The following MRPS18B variants were observed in gnomAD, a reference collection of about 807,000 sequenced individuals.
MRPS18B encodes mitochondrial ribosomal protein S18B.
A neutral mutation model predicts 28.4 loss-of-function variants in MRPS18B; 27 were observed. That is an observed-to-expected ratio of 0.95 (90% CI 0.70 to 1.31). The LOEUF (loss-of-function observed/expected upper bound fraction) is 1.31. Ranked by LOEUF, MRPS18B falls within the 40% of genes most tolerant of loss-of-function variation. The pLI is 0.00. For synonymous variants in MRPS18B, 118 were observed against 123.7 expected, an observed-to-expected ratio of 0.95 and a Z score of 0.30; for missense variants, 343 against 335.9, an observed-to-expected ratio of 1.02 and a Z score of -0.17.
chr6:30,621,770 G>A (rs3132607), intron 4 of MRPS18B, among the ~76,000 whole-genome samples: 4,432 of 152,030 alleles, frequency 0.029, 103 homozygotes, highest in South Asian at 0.055. Context: ...AAGGTGAAAC[G>A]CCGTCTCTAC....
intron 4 of MRPS18B, among the ~76,000 whole-genome samples, chr6:30,620,582 T>C (rs1761095182): frequency 6.6e-6 from 1 of 152,004 alleles, no homozygotes; most frequent in Non-Finnish European, 1.5e-5. Context: ...GCTGTTTTTT[T>C]TTTTTGAGAC....
At position 30,619,531 on chromosome 6, in the gene MRPS18B, G is replaced by A; in HGVS notation, c.117G>A (p.Glu39=). 1 of 1,613,004 alleles carries A rather than the reference G, an allele frequency of 6.2e-7. No individual in the cohort carries two copies. The highest frequency in any genetic ancestry group is 8.5e-7 in the Non-Finnish European group (1 of 1,180,012). Residue 39 remains glutamate (E), a synonymous_variant, in exon 2 of 7, where the codon GAG becomes GAA. Coordinates refer to ENST00000259873, the MANE Select transcript of MRPS18B (RefSeq NM_014046.4). ...CTCTTTGCACCAAAGCTCCCTCTGA[G>A]GAAGATTCTTTGTCCTCAGTTCCCA... ...LQTLCTKAPS[E]EDSLSSVPIS...
rs191368784 is a variant in MRPS18B, at chr6:30,624,758, G to T, written c.422-125G>T. 25 of 984,082 alleles carry T rather than the reference G, an allele frequency of 2.5e-5. No individual in the cohort carries two copies. In the Admixed American group the frequency reaches 5.0e-4, roughly 20 times the overall value. The allele number at this position is 984,082 out of a possible 1,614,324, so 61.0% of individuals were successfully genotyped here. On this transcript the variant is annotated intron_variant, in intron 5 of 6. Coordinates refer to ENST00000259873, the MANE Select transcript of MRPS18B (RefSeq NM_014046.4). ...TGGGGAAACTGAGGTCCATGGAGGG[G>T]TCAGGGGAAAGGGGTCATTAGGTAA...
intron 5 of MRPS18B, 69 bp downstream of exon 5, chr6:30,622,967 A>G (rs1761261739): frequency 2.6e-6 from 4 of 1,511,716 alleles, no homozygotes; most frequent in Non-Finnish European, 2.8e-6. Flanking sequence ...GTAGTTGGCC[A>G]ATAGGTATTT....
At position 30,625,795 on chromosome 6, in the gene MRPS18B, T is replaced by C. The variant is rs751019291; in HGVS notation, c.775T>C (p.Ter259GlnextTer3). ...TGQTGPQSAL[*>Q] is the part of the protein sequence containing the mutation. ...GCAGACAGGCCCTCAGAGTGCTCTG[T>C]AGGAGCTGTAGACTGGGAAGAGAGG... The change falls in exon 7 of 7, where the codon TAG (stop) becomes CAG (glutamine). Residue 259 changes from the stop codon to glutamine, a stop_lost. Transcript: ENST00000259873. The C allele has an allele frequency of 1.2e-6, 2 of 1,603,146 alleles. No homozygotes were observed. The highest frequency in any genetic ancestry group is 1.1e-5 in the South Asian group (1 of 90,918).
In MRPS18B at chr6:30,622,794, C is replaced by G. The variant is rs369613091; in HGVS notation, c.355-38C>G. ...CCAAAGATCCTGCTGCTCTCCCTGC[C>G]TCTTTTCCTCACGTTTCTCTACCAC... On this transcript the variant is annotated intron_variant, in intron 4 of 6. Coordinates refer to ENST00000259873, the MANE Select transcript of MRPS18B (RefSeq NM_014046.4). The G allele has an allele frequency of 5.6e-6, 9 of 1,599,338 alleles. No individual in the cohort carries two copies. In the East Asian group the frequency reaches 1.3e-4, roughly 24 times the overall value.
intron 5 of MRPS18B, 54 bp from the exon 6 acceptor site, chr6:30,624,829 T>C: frequency 6.3e-7 from 1 of 1,589,010 alleles, no homozygotes; most frequent in Non-Finnish European, 8.6e-7. Flanking sequence ...ATGGAAGCAG[T>C]TGTGTTCTAT....
At position 30,622,811 on chromosome 6, in the gene MRPS18B, C is replaced by T. The variant is rs769168694; in HGVS notation, c.355-21C>T. 5.0e-6 allele frequency: 8 copies of T among 1,611,988 alleles called. No homozygotes were observed. In the African/African-American group the frequency reaches 1.1e-4, roughly 22 times the overall value. Reference sequence around the variant, plus strand: ...CTCCCTGCCTCTTTTCCTCACGTTTCTCTACCACTTTCCCCCACAGAACGT... The same window carrying T: ...CTCCCTGCCTCTTTTCCTCACGTTTTTCTACCACTTTCCCCCACAGAACGT... On this transcript the variant is annotated intron_variant, in intron 4 of 6. Transcript: ENST00000259873.
At chr6:30,619,375 T>A in intron 1 of MRPS18B, 118 bp from the exon 2 acceptor site, 2 of 747,236 alleles carry the variant, frequency 2.7e-6, no homozygotes, top group Non-Finnish European at 4.4e-6. Context: ...ACATATGCAT[T>A]CCTGTTATAT....
intron 5 of MRPS18B, among the ~76,000 whole-genome samples, chr6:30,623,923 A>AT (rs1761324253): frequency 6.6e-6 from 1 of 151,228 alleles, no homozygotes; most frequent in Admixed American, 6.6e-5. Context: ...TTGCAGGCAC[A>AT]TGCCACCATG....
Position 30,625,651 on chromosome 6 carries a change from A to C in MRPS18B, c.631A>C (p.Arg211=). 1 of 1,612,988 alleles carries C rather than the reference A, an allele frequency of 6.2e-7. No homozygotes were observed. The highest frequency in any genetic ancestry group is 8.5e-7 in the Non-Finnish European group (1 of 1,180,016). The change falls in exon 7 of 7, where the codon AGA becomes CGA. Residue 211 remains arginine, a synonymous_variant. Coordinates refer to ENST00000259873, the MANE Select transcript of MRPS18B (RefSeq NM_014046.4). ...PWYNWKQPPE[R]ELSRLRRLYQ... ...GTACAACTGGAAACAGCCACCGGAG[A>C]GAGAACTGTCTCGCCTTCGCCGGCT...
At chr6:30,619,169 G>A (rs1023415406) in intron 1 of MRPS18B, among the ~76,000 whole-genome samples, 6 of 152,122 alleles carry the variant, frequency 3.9e-5, no homozygotes, top group Admixed American at 1.3e-4. Context: ...GCCTGCCTGG[G>A]CCTCCCAAAG....
intron 4 of MRPS18B, among the ~76,000 whole-genome samples, chr6:30,622,165 A>T (rs1158902732): frequency 6.6e-6 from 1 of 152,198 alleles, no homozygotes; most frequent in Non-Finnish European, 1.5e-5. Flanking sequence ...ACTATTAAAT[A>T]CATTAGTTGT....
chr6:30,621,818 G>A (rs1249172864), intron 4 of MRPS18B, among the ~76,000 whole-genome samples: 1 of 152,108 alleles, frequency 6.6e-6, no homozygotes, highest in Non-Finnish European at 1.5e-5. Context: ...GTGATGGCGG[G>A]CGCCTGTAGT....
rs1395676853 is a variant in MRPS18B at position 30,625,536 on chromosome 6, A to G, written c.516A>G (p.Pro172=). The part of the protein sequence containing the change: ...LLIYHIPQVE[P]RDLDFSTSHG... ...TTTACCACATCCCCCAGGTTGAACCACGGGACCTTGACTTCAGTACCTCTC... is the reference window on the plus strand; with the variant it reads ...TTTACCACATCCCCCAGGTTGAACCGCGGGACCTTGACTTCAGTACCTCTC... Residue 172 remains proline, a synonymous_variant, in exon 7 of 7, where the codon CCA becomes CCG. Transcript: ENST00000259873. The G allele has an allele frequency of 6.3e-7, 1 of 1,583,134 alleles. No homozygotes were observed. The highest frequency in any genetic ancestry group is 8.6e-7 in the Non-Finnish European group (1 of 1,157,794).
chr6:30,618,353 A>T (rs1760883244), intron 1 of MRPS18B, among the ~76,000 whole-genome samples: 1 of 152,088 alleles, frequency 6.6e-6, no homozygotes, highest in Non-Finnish European at 1.5e-5. Context: ...GTGGTGACTA[A>T]ATCTGTGTTG....
chr6:30,619,864 A>G (rs752509886), intron 3 of MRPS18B, 57 bp from the exon 4 acceptor site: 1 of 1,610,142 alleles, frequency 6.2e-7, no homozygotes, highest in Non-Finnish European at 8.5e-7. Context: ...CAGTAACAGC[A>G]GCACTTTTTC....
rs750043003 is a variant in MRPS18B at position 30,625,819 on chromosome 6, G to T, written c.*22G>T. 1.3e-6 allele frequency: 2 copies of T among 1,585,724 alleles called. No homozygotes were observed. The highest frequency in any genetic ancestry group is 1.7e-6 in the Non-Finnish European group (2 of 1,160,278). On this transcript the variant is annotated 3_prime_UTR_variant, in exon 7 of 7. Transcript: ENST00000259873. ...GTAGGAGCTGTAGACTGGGAAGAGA[G>T]GCCAGGCGTGGTGGCTCACTCCTGT...
chr6:30,622,614 C>T (rs902346739), intron 4 of MRPS18B, among the ~76,000 whole-genome samples: 1 of 144,432 alleles, frequency 6.9e-6, no homozygotes, highest in African/African-American at 2.5e-5. Flanking sequence ...TAAGAGATTT[C>T]TATGGGAGCA....
Sources: allele counts gnomAD v4.1 joint callset (sites outside exome capture counted in the v4.1 genomes callset), GRCh38; gene constraint gnomAD v4.1.1; transcripts MANE v1.5; gene names NCBI Gene and HGNC (gene_info 2026-07-23, HGNC 2026-07-21).